The following POU2F2 variants were observed in gnomAD, a reference collection of about 807,000 sequenced individuals.
The protein encoded by POU2F2 is POU class 2 homeobox 2, also known as POU domain, class 2, transcription factor 2.
POU2F2 carries 14 observed loss-of-function variants against 63.5 expected under a neutral mutation model. The observed-to-expected ratio is 0.22, with a 90% confidence interval of 0.15 to 0.34. The LOEUF (loss-of-function observed/expected upper bound fraction) is 0.34. Among genes scored for constraint, POU2F2 ranks in the 10% least tolerant of loss-of-function variants. The pLI, the probability that POU2F2 is intolerant of heterozygous loss-of-function variation, is 1.00. For synonymous variants in POU2F2, 306 were observed against 348.6 expected (o/e 0.88, Z 1.36); for missense variants, 607 against 815.2 (o/e 0.74, Z 3.11).
At chr19:42,137,558 C>T (rs541787299) in intron 2 of POU2F2, among the ~76,000 whole-genome samples, 1 of 151,522 alleles carries the variant, frequency 6.6e-6, no homozygotes, top group South Asian at 2.1e-4. Context: ...CCCATCTCTA[C>T]AAAAAAAATT....
At chr19:42,175,241 G>T (rs751646807) in intron 1 of POU2F2, among the ~76,000 whole-genome samples, 2 of 152,162 alleles carry the variant, frequency 1.3e-5, no homozygotes, top group Non-Finnish European at 2.9e-5. Flanking sequence ...CCAGGGGACA[G>T]ACCCAAACCC....
intron 1 of POU2F2, among the ~76,000 whole-genome samples, chr19:42,173,172 T>C (rs748279056): frequency 6.6e-6 from 1 of 152,076 alleles, no homozygotes; most frequent in Non-Finnish European, 1.5e-5. Context: ...GGAATAGACA[T>C]CCATCTGAGG....
At chr19:42,139,728 C>G (rs908828680) in intron 2 of POU2F2, among the ~76,000 whole-genome samples, 2 of 152,220 alleles carry the variant, frequency 1.3e-5, no homozygotes, top group Admixed American at 6.5e-5. Context: ...GCATGAGCCA[C>G]TGTGGCCCGG....
chr19:42,188,215 A>T (rs1012598861), intron 1 of POU2F2, among the ~76,000 whole-genome samples: 4 of 151,742 alleles, frequency 2.6e-5, no homozygotes, highest in Non-Finnish European at 5.9e-5. Context: ...AAATACAAAA[A>T]ATTAGCCAGG....
At chr19:42,164,529 C>T (rs1434327361) in intron 1 of POU2F2, among the ~76,000 whole-genome samples, 2 of 151,754 alleles carry the variant, frequency 1.3e-5, no homozygotes, top group Admixed American at 6.6e-5. Flanking sequence ...CGAGATCATG[C>T]CATTGCACTT....
chr19:42,179,569 C>T (rs932105146), upstream of POU2F2, among the ~76,000 whole-genome samples: 41 of 152,034 alleles, frequency 2.7e-4, no homozygotes, highest in Non-Finnish European at 3.1e-4. Context: ...GACGCAGGCA[C>T]GCGCTGCGCG....
chr19:42,165,787 G>A (rs1474592837), intron 1 of POU2F2, among the ~76,000 whole-genome samples: 2 of 152,170 alleles, frequency 1.3e-5, no homozygotes, highest in African/African-American at 2.4e-5. Flanking sequence ...CAAAAAAGGG[G>A]CAATGAGTGG....
chr19:42,124,379 TA>T (rs58616252), intron 1 of POU2F2, among the ~76,000 whole-genome samples: 2,760 of 132,314 alleles, frequency 0.021, 45 homozygotes, highest in African/African-American at 0.056. Context: ...TCAGTAACTG[TA>T]AAAAAAAAAA....
intron 1 of POU2F2, 79 bp from the exon 2 acceptor site, chr19:42,122,655 C>T (rs1196554490): frequency 1.5e-6 from 2 of 1,304,404 alleles, no homozygotes; most frequent in Non-Finnish European, 2.1e-6. Flanking sequence ...CCACCACACT[C>T]CCCAAGCCTT....
chr19:42,127,650 G>A (rs1055532326), intron 1 of POU2F2, among the ~76,000 whole-genome samples: 17 of 152,132 alleles, frequency 1.1e-4, no homozygotes, highest in African/African-American at 3.9e-4. Flanking sequence ...CAAAATGCTG[G>A]GATTACAGGC....
chr19:42,179,374 C>T (rs1453396604), upstream of POU2F2, among the ~76,000 whole-genome samples: 1 of 152,088 alleles, frequency 6.6e-6, no homozygotes, highest in Admixed American at 6.5e-5. Context: ...GGTGAAGGGG[C>T]TCCGACCAGG....
At chr19:42,111,994 T>C (rs2031179115) in intron 5 of POU2F2, among the ~76,000 whole-genome samples, 1 of 152,076 alleles carries the variant, frequency 6.6e-6, no homozygotes, top group South Asian at 2.1e-4. Context: ...ATACCACAAA[T>C]GGAGAATGAT....
upstream of POU2F2, among the ~76,000 whole-genome samples, chr19:42,177,625 G>A (rs1379446183): frequency 2.0e-5 from 3 of 152,148 alleles, 1 homozygote; most frequent in South Asian, 6.2e-4. Context: ...CCTTGAGACC[G>A]ACAGAGGCCC....
In POU2F2 at chr19:42,092,414, C is replaced by A; in HGVS notation, c.1265-144G>T. ...ACAGCCTTAGACCTCCCTGCCCTCT[C>A]TTCCCAGAGTCATTTCCCTGTGCCT... On this transcript the variant is annotated intron_variant, in intron 12 of 14. Transcript: ENST00000692977. The surrounding 1 kb of genome is among the most constrained non-coding windows in gnomAD (Gnocchi z 5.0). 1.5e-6 allele frequency: 1 copy of A among 688,128 alleles called. No individual in the cohort carries two copies. 42.6% of individuals were successfully genotyped at this position (688,128 alleles called of 1,614,324 possible).
chr19:42,197,148 G>C (rs1000312215), upstream of POU2F2, among the ~76,000 whole-genome samples: 1 of 152,190 alleles, frequency 6.6e-6, no homozygotes, highest in African/African-American at 2.4e-5. Context: ...GAAAATGGAA[G>C]GGTCAGGGCA....
At chr19:42,197,293 C>T (rs973863185), upstream of POU2F2, among the ~76,000 whole-genome samples, 17 of 152,190 alleles carry the variant, frequency 1.1e-4, no homozygotes, top group Admixed American at 3.3e-4. Flanking sequence ...GGTTTAAAAT[C>T]CCACAGTGTG....
At chr19:42,176,712 G>C (rs1438703879), upstream of POU2F2, among the ~76,000 whole-genome samples, 1 of 139,940 alleles carries the variant, frequency 7.1e-6, no homozygotes, top group Non-Finnish European at 1.5e-5. Flanking sequence ...TCGAGAGCAA[G>C]CTGACCCCCC....
upstream of POU2F2, among the ~76,000 whole-genome samples, chr19:42,176,471 T>G: frequency 6.6e-6 from 1 of 152,138 alleles, no homozygotes; most frequent in East Asian, 1.9e-4. Context: ...CTTTCTCTTC[T>G]GCCTCGGCTC....
chr19:42,100,274 G>A (rs916844894), intron 5 of POU2F2, among the ~76,000 whole-genome samples: 13 of 150,942 alleles, frequency 8.6e-5, no homozygotes, highest in African/African-American at 3.2e-4. Flanking sequence ...TGTATTTTTA[G>A]TAGAGACAGT....
Sources: allele counts gnomAD v4.1 joint callset (sites outside exome capture counted in the v4.1 genomes callset), GRCh38; gene constraint gnomAD v4.1.1; non-coding constraint Gnocchi (gnomAD v3.1); transcripts MANE v1.5; gene names NCBI Gene and HGNC (gene_info 2026-07-23, HGNC 2026-07-21).